The following MRPS28 variants were observed in gnomAD, a reference collection of about 807,000 sequenced individuals.
MRPS28 encodes the protein mitochondrial ribosomal protein S28, also known as small ribosomal subunit protein bS1m.
A neutral mutation model predicts 10.8 loss-of-function variants in MRPS28; 7 were observed. The observed-to-expected ratio is 0.65, with a 90% CI of 0.37 to 1.22. The LOEUF is 1.22. Ranked by LOEUF, MRPS28 falls within the 50% of genes most tolerant of loss-of-function variation. The probability of loss-of-function intolerance (pLI) is 0.02; values close to 1 mark genes in which losing one functional copy is unlikely to be tolerated. For synonymous variants in MRPS28, 121 were observed against 93.3 expected (o/e 1.30, Z -1.71); for missense variants, 265 against 232.9 (o/e 1.14, Z -0.90).
At chr8:79,926,389 G>A (rs940605644) in intron 2 of MRPS28, among the ~76,000 whole-genome samples, 3 of 152,204 alleles carry the variant, frequency 2.0e-5, no homozygotes, top group African/African-American at 7.2e-5. Context: ...TTTCTGGGCT[G>A]TTTACTCATC....
chr8:80,011,688 G>A (rs1208244266), intron 1 of MRPS28, among the ~76,000 whole-genome samples: 3 of 151,984 alleles, frequency 2.0e-5, no homozygotes, highest in East Asian at 1.9e-4. Flanking sequence ...AGGAGGCGGA[G>A]GTTGCAGTGA....
chr8:79,943,599 G>A (rs548784335), intron 2 of MRPS28, among the ~76,000 whole-genome samples: 1 of 152,272 alleles, frequency 6.6e-6, no homozygotes, highest in African/African-American at 2.4e-5. Context: ...ATAATGTTTT[G>A]ATGTGTTTTT....
chr8:79,967,787 C>T (rs573238595), intron 2 of MRPS28, among the ~76,000 whole-genome samples: 2 of 152,140 alleles, frequency 1.3e-5, no homozygotes, highest in Admixed American at 1.3e-4. Flanking sequence ...AGCAAAGAGA[C>T]GTGTGGCCAG....
At chr8:80,028,416 T>C (rs1285505688) in intron 1 of MRPS28, among the ~76,000 whole-genome samples, 2 of 151,984 alleles carry the variant, frequency 1.3e-5, no homozygotes, top group African/African-American at 2.4e-5. Flanking sequence ...AGGTCAATCA[T>C]CGCTATTCTG....
intron 2 of MRPS28, among the ~76,000 whole-genome samples, chr8:79,919,852 GTT>G (rs1810026609): frequency 6.6e-6 from 1 of 151,964 alleles, no homozygotes; most frequent in Non-Finnish European, 1.5e-5. Flanking sequence ...CAACGTGCAG[GTT>G]TGTTACATAT....
intron 2 of MRPS28, among the ~76,000 whole-genome samples, chr8:79,940,303 A>C (rs994262278): frequency 1.3e-5 from 2 of 152,236 alleles, no homozygotes; most frequent in African/African-American, 2.4e-5. Context: ...TAGATAAATG[A>C]GGCATTATTG....
At chr8:79,972,428 G>A (rs188731625) in intron 2 of MRPS28, among the ~76,000 whole-genome samples, 2 of 152,200 alleles carry the variant, frequency 1.3e-5, no homozygotes, top group Admixed American at 6.5e-5. Context: ...TTTGGCTATC[G>A]TGACTAATGC....
At chr8:79,919,614 G>C (rs1810017970) in intron 2 of MRPS28, among the ~76,000 whole-genome samples, 2 of 152,182 alleles carry the variant, frequency 1.3e-5, no homozygotes, top group African/African-American at 4.8e-5. Flanking sequence ...GATAACAGGT[G>C]TGAGTCACTG....
intron 1 of MRPS28, among the ~76,000 whole-genome samples, chr8:80,014,775 T>C (rs1213771966): frequency 4.6e-5 from 7 of 152,220 alleles, no homozygotes; most frequent in Non-Finnish European, 1.0e-4. Flanking sequence ...TCAAGTTTTA[T>C]TGACTAATCT....
At chr8:80,020,487 G>A (rs749972818) in intron 1 of MRPS28, among the ~76,000 whole-genome samples, 18 of 152,174 alleles carry the variant, frequency 1.2e-4, no homozygotes, top group Non-Finnish European at 2.2e-4. Flanking sequence ...TGGTAAGTAT[G>A]AAGAAAAGAG....
At chr8:80,012,186 A>G (rs1011228955) in intron 1 of MRPS28, among the ~76,000 whole-genome samples, 2 of 152,104 alleles carry the variant, frequency 1.3e-5, no homozygotes, top group African/African-American at 4.8e-5. Flanking sequence ...GAGTGAAATA[A>G]TTTTACCACA....
chr8:79,993,638 C>T (rs555396564), intron 2 of MRPS28, among the ~76,000 whole-genome samples: 1 of 152,202 alleles, frequency 6.6e-6, no homozygotes, highest in East Asian at 1.9e-4. Context: ...ATAACGGATG[C>T]TCTTCTATCC....
At chr8:79,993,791 C>G in intron 2 of MRPS28, among the ~76,000 whole-genome samples, 1 of 152,136 alleles carries the variant, frequency 6.6e-6, no homozygotes, top group East Asian at 1.9e-4. Context: ...TTCTTATTTT[C>G]TCTTTTCCCC....
At chr8:79,928,603 C>G (rs1269204620) in intron 2 of MRPS28, among the ~76,000 whole-genome samples, 1 of 151,848 alleles carries the variant, frequency 6.6e-6, no homozygotes, top group Admixed American at 6.5e-5. Flanking sequence ...CCACACCTGG[C>G]TAATTTTTTG....
At chr8:79,941,981 C>T (rs960547587) in intron 2 of MRPS28, among the ~76,000 whole-genome samples, 1 of 152,164 alleles carries the variant, frequency 6.6e-6, no homozygotes, top group South Asian at 2.1e-4. Flanking sequence ...TTTAACTTAA[C>T]TTAATGTAGT....
intron 1 of MRPS28, among the ~76,000 whole-genome samples, chr8:80,007,157 C>A (rs1212773580): frequency 6.6e-6 from 1 of 152,102 alleles, no homozygotes; most frequent in Non-Finnish European, 1.5e-5. Context: ...ATAAACAGAA[C>A]CAAAGACAAA....
chr8:79,993,365 G>A (rs1039042191), intron 2 of MRPS28, among the ~76,000 whole-genome samples: 1 of 152,122 alleles, frequency 6.6e-6, no homozygotes, highest in Non-Finnish European at 1.5e-5. Flanking sequence ...GAATGATAGA[G>A]CTATACATAT....
intron 1 of MRPS28, among the ~76,000 whole-genome samples, chr8:80,018,298 A>C (rs1809258068): frequency 6.8e-6 from 1 of 147,384 alleles, no homozygotes; most frequent in Non-Finnish European, 1.5e-5. Flanking sequence ...TCTGTCTCAA[A>C]AAAAAAAAAA....
At position 79,920,613 on chromosome 8, in the gene MRPS28, T is replaced by A. The variant is rs1467093275; in HGVS notation, c.396-1465A>T. Among the ~76,000 whole-genome samples, 6 of 152,376 alleles carry A rather than the reference T, an allele frequency of 3.9e-5. No individual in the cohort carries two copies. The East Asian group carries it at 9.6e-4, about 24-fold the overall frequency. On this transcript the variant is annotated intron_variant, in intron 2 of 2. Coordinates refer to ENST00000276585, the MANE Select transcript of MRPS28 (RefSeq NM_014018.3). ...TTCTTTTGAGAAGTATCTGTTCATA[T>A]CCTTCATCCACTTTTTGATGGGGTT...
Sources: allele counts gnomAD v4.1 joint callset (sites outside exome capture counted in the v4.1 genomes callset), GRCh38; gene constraint gnomAD v4.1.1; transcripts MANE v1.5; gene names NCBI Gene and HGNC (gene_info 2026-07-23, HGNC 2026-07-21).